BTLA: variants seen among roughly 807,000 people sequenced by gnomAD.
The protein encoded by BTLA is B and T lymphocyte associated, also known as B- and T-lymphocyte attenuator.
BTLA carries 11 observed loss-of-function variants against 25.0 expected under a neutral mutation model. That is an observed-to-expected ratio of 0.44 (90% CI 0.28 to 0.73). BTLA has a LOEUF of 0.73. Ranked by LOEUF, BTLA falls within the 30% of genes least tolerant of loss-of-function variation. The probability of loss-of-function intolerance (pLI) is 0.15; values close to 1 mark genes in which losing one functional copy is unlikely to be tolerated. For synonymous variants in BTLA, 104 were observed against 119.8 expected (o/e 0.87, Z 0.86); for missense variants, 282 against 332.8 (o/e 0.85, Z 1.19).
intron 2 of BTLA, among the ~76,000 whole-genome samples, chr3:112,474,514 AAG>A (rs1237102039): frequency 1.3e-5 from 2 of 152,204 alleles, no homozygotes; most frequent in African/African-American, 2.4e-5. Flanking sequence ...AAAAAAAAAA[AAG>A]AAATATTACA....
rs1412551576 is a variant in BTLA at position 112,464,897 on chromosome 3, C to G, written c.*1211G>C. 2 of 152,076 alleles carry G rather than the reference C, an allele frequency of 1.3e-5. No individual in the cohort carries two copies. The highest frequency in any genetic ancestry group is 4.8e-5 in the African/African-American group (2 of 41,396). The allele number at this position is 152,076 out of a possible 1,614,324, so 9.4% of individuals were successfully genotyped here. A position where few individuals can be genotyped will look rare whatever the true frequency, so the allele number is the denominator to read the frequency against. Reference sequence around the variant, plus strand: ...AATGGATTTTAACCTTTGCTATCCACTTTGTATGAAGACTATTACATTATT... The same window carrying G: ...AATGGATTTTAACCTTTGCTATCCAGTTTGTATGAAGACTATTACATTATT... On this transcript the variant is annotated 3_prime_UTR_variant, in exon 5 of 5. Coordinates refer to ENST00000334529, the MANE Select transcript of BTLA (RefSeq NM_181780.4).
intron 2 of BTLA, among the ~76,000 whole-genome samples, chr3:112,476,274 T>A (rs1306977871): frequency 1.3e-5 from 2 of 152,226 alleles, no homozygotes; most frequent in Admixed American, 1.3e-4. Context: ...TATTTCATAA[T>A]TGAGGGTTGT....
chr3:112,478,004 TC>T (rs1358999782), intron 2 of BTLA, among the ~76,000 whole-genome samples: 2 of 69,466 alleles, frequency 2.9e-5, no homozygotes, highest in Admixed American at 1.7e-4. Context: ...ACAATACTAT[TC>T]TTTTTTTTTT....
At chr3:112,477,810 A>T (rs2082296778) in intron 2 of BTLA, among the ~76,000 whole-genome samples, 1 of 151,978 alleles carries the variant, frequency 6.6e-6, no homozygotes, top group Non-Finnish European at 1.5e-5. Flanking sequence ...ATATGGAGTG[A>T]GATGAGGGTT....
chr3:112,469,451 G>A (rs1396201208), intron 4 of BTLA, among the ~76,000 whole-genome samples: 2 of 151,918 alleles, frequency 1.3e-5, no homozygotes, highest in East Asian at 3.9e-4. Flanking sequence ...GCAGAGTCAA[G>A]TTTGTATGGT....
upstream of BTLA, chr3:112,499,526 C>T: frequency 5.5e-6 from 3 of 547,262 alleles, no homozygotes; most frequent in Admixed American, 6.4e-5. Flanking sequence ...TAGGAAGAGC[C>T]TGGATGATTT....
At position 112,480,030 on chromosome 3, in the gene BTLA, C is replaced by T. The variant is rs565648009; in HGVS notation, c.89-261G>A. Reference sequence around the variant, plus strand: ...GCCATCATATACCCTGTGACCTGCACGTATACATCCAGATGGCCTGAAGCA... The same window carrying T: ...GCCATCATATACCCTGTGACCTGCATGTATACATCCAGATGGCCTGAAGCA... On this transcript the variant is annotated intron_variant, in intron 1 of 4. Coordinates refer to ENST00000334529, the MANE Select transcript of BTLA (RefSeq NM_181780.4). Among the ~76,000 whole-genome samples, 14 of 152,304 alleles carry T rather than the reference C, an allele frequency of 9.2e-5. No homozygotes were observed. The South Asian group carries it at 2.3e-3, about 25-fold the overall frequency.
intron 1 of BTLA, among the ~76,000 whole-genome samples, chr3:112,480,557 T>C (rs921091675): frequency 1.3e-5 from 2 of 152,180 alleles, no homozygotes; most frequent in African/African-American, 4.8e-5. Flanking sequence ...TTGTGCTGCA[T>C]TATCTCATGG....
At chr3:112,477,032 G>C (rs2082292450) in intron 2 of BTLA, among the ~76,000 whole-genome samples, 1 of 152,096 alleles carries the variant, frequency 6.6e-6, no homozygotes, top group Admixed American at 6.6e-5. Flanking sequence ...TTTCATGACT[G>C]AATAATATTC....
intron 1 of BTLA, among the ~76,000 whole-genome samples, chr3:112,484,537 A>G (rs764801822): frequency 1.3e-5 from 2 of 152,112 alleles, no homozygotes; most frequent in Non-Finnish European, 2.9e-5. Context: ...ACACAACTTC[A>G]CCTTCCTTAA....
At chr3:112,472,078 A>T (rs1169117608) in intron 2 of BTLA, among the ~76,000 whole-genome samples, 1 of 152,184 alleles carries the variant, frequency 6.6e-6, no homozygotes, top group Non-Finnish European at 1.5e-5. Flanking sequence ...GTGGTTCTCA[A>T]GCAGGGAACA....
chr3:112,466,187 A>G lies in BTLA; in HGVS notation c.791T>C (p.Val264Ala). ...GIVYASLNHS[V>A]IGPNSRLARN... is the part of the protein sequence containing the mutation. ...TGCCAGTCTTGAGTTCGGTCCAATG[A>G]CAGAATGGTTCAGGGAAGCATAAAC... Residue 264 changes from valine to alanine, a missense_variant, in exon 5 of 5, where the codon GTC (valine) becomes GCC (alanine). By Grantham distance (64) the Val-to-Ala change is moderately conservative (BLOSUM62 0). This residue lies in a region of BTLA where 119 missense variants were observed against 102.3 expected (regional missense o/e 1.16). Coordinates refer to ENST00000334529, the MANE Select transcript of BTLA (RefSeq NM_181780.4). 6.2e-7 allele frequency: 1 copy of G among 1,613,792 alleles called. No individual in the cohort carries two copies. The highest frequency in any genetic ancestry group is 8.5e-7 in the Non-Finnish European group (1 of 1,179,782).
chr3:112,469,649 A>ATATATATATG (rs59880426), intron 4 of BTLA, 109 bp downstream of exon 4: 1 of 471,054 alleles, frequency 2.1e-6, no homozygotes, highest in South Asian at 2.8e-5. Context: ...ATATATATAT[A>ATATATATATG]GTACATAGAA....
In BTLA at chr3:112,471,237, C is replaced by T; in HGVS notation, c.522G>A (p.Leu174=). ...LPLLITTCFC[L]FCCLRRHQGK... is the part of the protein sequence containing the mutation. ...CTTGGTGCCTTCTCAGGCAGCAGAA[C>T]AGGCAGAAACAGGTAGTGATGAGTA... Residue 174 remains leucine, a synonymous_variant, in exon 3 of 5, where the codon CTG becomes CTA. Coordinates refer to ENST00000334529, the MANE Select transcript of BTLA (RefSeq NM_181780.4). The T allele has an allele frequency of 6.2e-7, 1 of 1,614,018 alleles. No homozygotes were observed. The highest frequency in any genetic ancestry group is 8.5e-7 in the Non-Finnish European group (1 of 1,179,926).
rs550635312 is a variant in BTLA at position 112,479,060 on chromosome 3, G to A, written c.403+395C>T. Among the ~76,000 whole-genome samples the A allele has an allele frequency of 2.7e-5, 4 of 150,110 alleles. No homozygotes were observed. The South Asian group carries it at 8.5e-4, about 32-fold the overall frequency. ...CTTCAAGAAATTGTAATGAACAAAAGTAAAGAAGAGAAAAATGGGAAAAAG... is the reference window on the plus strand; with the variant it reads ...CTTCAAGAAATTGTAATGAACAAAAATAAAGAAGAGAAAAATGGGAAAAAG... On this transcript the variant is annotated intron_variant, in intron 2 of 4. Coordinates refer to ENST00000334529, the MANE Select transcript of BTLA (RefSeq NM_181780.4).
chr3:112,498,145 T>C (rs1368388823), intron 1 of BTLA, among the ~76,000 whole-genome samples: 1 of 152,190 alleles, frequency 6.6e-6, no homozygotes, highest in South Asian at 2.1e-4. Context: ...TGATGATGAA[T>C]AGATAGCTCG....
chr3:112,497,833 G>A (rs1008493818), intron 1 of BTLA, among the ~76,000 whole-genome samples: 4 of 152,118 alleles, frequency 2.6e-5, no homozygotes, highest in Non-Finnish European at 5.9e-5. Context: ...ATTTAAAATT[G>A]CAGTAGCCAA....
intron 3 of BTLA, 99 bp from the exon 4 acceptor site, chr3:112,469,903 G>A: frequency 6.4e-6 from 6 of 944,700 alleles, no homozygotes; most frequent in African/African-American, 1.7e-5. Context: ...GCCAGGGATA[G>A]TGTTGTTAGT....
chr3:112,465,413 A>G lies in BTLA; in HGVS notation c.*695T>C, dbSNP rs1313002047. 6.6e-6 allele frequency: 1 copy of G among 152,612 alleles called. No homozygotes were observed. The highest frequency in any genetic ancestry group is 1.5e-5 in the Non-Finnish European group (1 of 68,044). 9.5% of individuals were successfully genotyped at this position (152,612 alleles called of 1,614,324 possible). A position where few individuals can be genotyped will look rare whatever the true frequency, so the allele number is the denominator to read the frequency against. ...CCAGTGAGTCTCTACTTTCCTCATA[A>G]ATGTGCTATACGTTGACTGCTCCAT... On this transcript the variant is annotated 3_prime_UTR_variant, in exon 5 of 5. Coordinates refer to ENST00000334529, the MANE Select transcript of BTLA (RefSeq NM_181780.4).
Sources: gnomAD v4.1 joint callset for allele counts (sites outside exome capture counted in the v4.1 genomes callset) on GRCh38, gnomAD v4.1.1 for gene constraint, gnomAD v4.1.1 regional missense constraint, MANE v1.5 for transcripts, NCBI Gene and HGNC (gene_info 2026-07-23, HGNC 2026-07-21) for gene names.